SEMA3A: variants seen among roughly 807,000 people sequenced by gnomAD.
SEMA3A encodes the protein semaphorin-3A.
Under a neutral mutation model 97.9 loss-of-function variants are expected in SEMA3A, and 29 were observed. The observed-to-expected ratio is 0.30, with a 90% CI of 0.22 to 0.40. The LOEUF is 0.40. Among genes scored for constraint, SEMA3A ranks in the 10% least tolerant of loss-of-function variants. The pLI is 1.00. For synonymous variants in SEMA3A, 321 were observed against 323.7 expected, an observed-to-expected ratio of 0.99 and a Z score of 0.09; for missense variants, 763 against 951.3, an observed-to-expected ratio of 0.80 and a Z score of 2.60.
intron 1 of SEMA3A, among the ~76,000 whole-genome samples, chr7:84,385,603 C>A (rs1452074309): frequency 6.9e-6 from 1 of 144,492 alleles, no homozygotes; most frequent in Non-Finnish European, 1.5e-5. Flanking sequence ...TTCCATTATT[C>A]ATTCTCTCAA....
intron 3 of SEMA3A, among the ~76,000 whole-genome samples, chr7:84,249,368 C>CATCTATCTATCTATCT (rs60537339): frequency 0.045 from 6,444 of 143,126 alleles, 184 homozygotes; most frequent in East Asian, 0.1. Context: ...CTCTGTCTAT[C>CATCTATCTATCTATCT]ATCTATCTAT....
At chr7:84,097,156 C>T (rs956023826) in intron 4 of SEMA3A, among the ~76,000 whole-genome samples, 12 of 151,826 alleles carry the variant, frequency 7.9e-5, no homozygotes, top group Non-Finnish European at 1.2e-4. Flanking sequence ...TATTAAATGC[C>T]AACAAAAGAT....
intron 1 of SEMA3A, among the ~76,000 whole-genome samples, chr7:84,138,254 C>T (rs1356530540): frequency 6.6e-6 from 1 of 151,474 alleles, no homozygotes; most frequent in African/African-American, 2.4e-5. Context: ...TACTAAGTGT[C>T]CTAACTTGTA....
At chr7:84,435,254 T>TACAC (rs34631045) in intron 1 of SEMA3A, among the ~76,000 whole-genome samples, 2,169 of 148,146 alleles carry the variant, frequency 0.015, 19 homozygotes, top group Non-Finnish European at 0.019. Flanking sequence ...GTACAACAGC[T>TACAC]ACACACACAC....
intron 1 of SEMA3A, among the ~76,000 whole-genome samples, chr7:84,436,235 A>G (rs1347804923): frequency 6.6e-6 from 1 of 152,198 alleles, no homozygotes; most frequent in Non-Finnish European, 1.5e-5. Context: ...ATCCTAGAAG[A>G]AAACCTAGGA....
chr7:84,033,566 C>A (rs1791833697), intron 6 of SEMA3A, among the ~76,000 whole-genome samples: 3 of 152,078 alleles, frequency 2.0e-5, no homozygotes, highest in Admixed American at 1.3e-4. Context: ...CACAAATGAG[C>A]AGTAAATTGA....
chr7:84,108,050 A>G (rs1795161057), intron 4 of SEMA3A, among the ~76,000 whole-genome samples: 1 of 152,214 alleles, frequency 6.6e-6, no homozygotes. Context: ...AAAATATAAA[A>G]ATACAAAATG....
chr7:84,305,112 A>G (rs939660164), intron 3 of SEMA3A, among the ~76,000 whole-genome samples: 2 of 151,946 alleles, frequency 1.3e-5, no homozygotes. Context: ...GCTTAAGCAA[A>G]TAAGTTATTT....
intron 3 of SEMA3A, among the ~76,000 whole-genome samples, chr7:84,300,054 A>G (rs1800971251): frequency 6.7e-6 from 1 of 149,408 alleles, no homozygotes; most frequent in African/African-American, 2.4e-5. Context: ...AAAAAAAAGA[A>G]AGAAAAAGAA....
chr7:84,035,545 A>G (rs1791912004), intron 6 of SEMA3A, among the ~76,000 whole-genome samples: 1 of 152,066 alleles, frequency 6.6e-6, no homozygotes, highest in Non-Finnish European at 1.5e-5. Context: ...ATCAAAGAAA[A>G]AATTAAAATC....
intron 1 of SEMA3A, among the ~76,000 whole-genome samples, chr7:84,420,750 C>T (rs1263549222): frequency 6.6e-6 from 1 of 151,966 alleles, no homozygotes; most frequent in Non-Finnish European, 1.5e-5. Context: ...TTATTCATTT[C>T]TTCTAGATTT....
intron 4 of SEMA3A, among the ~76,000 whole-genome samples, chr7:84,103,515 G>A (rs916685028): frequency 3.3e-5 from 5 of 152,118 alleles, no homozygotes; most frequent in Non-Finnish European, 4.4e-5. Flanking sequence ...ACAAGACTGA[G>A]AGATAACTTA....
At chr7:84,101,945 AAAT>A (rs1562783050) in intron 4 of SEMA3A, among the ~76,000 whole-genome samples, 2 of 151,884 alleles carry the variant, frequency 1.3e-5, no homozygotes, top group African/African-American at 4.8e-5. Flanking sequence ...TTACATATTT[AAAT>A]AATATTTTGG....
intron 5 of SEMA3A, among the ~76,000 whole-genome samples, chr7:84,054,850 C>T (rs903613295): frequency 1.3e-5 from 2 of 149,916 alleles, no homozygotes. Flanking sequence ...TACTTTTGGT[C>T]TTTGATGATG....
chr7:84,016,100 GAGTATGTATTCTTATGATGGGTGGTGAGC>G (rs1264067950), intron 6 of SEMA3A, among the ~76,000 whole-genome samples: 12 of 151,936 alleles, frequency 7.9e-5, no homozygotes, highest in African/African-American at 2.7e-4. Context: ...ATATAGTGAG[GAGTATGTATTCTTATGATGGGTGGTGAGC>G]AGAATAATTA....
chr7:84,331,276 T>C (rs1265992687), intron 2 of SEMA3A, among the ~76,000 whole-genome samples: 1 of 152,118 alleles, frequency 6.6e-6, no homozygotes, highest in Non-Finnish European at 1.5e-5. Context: ...TTTGGCTTTC[T>C]TCCAAAGATT....
At chr7:84,416,511 T>C (rs1804440326) in intron 1 of SEMA3A, among the ~76,000 whole-genome samples, 1 of 152,266 alleles carries the variant, frequency 6.6e-6, no homozygotes, top group Non-Finnish European at 1.5e-5. Context: ...AAACATACAA[T>C]GTCTTTTGGT....
intron 3 of SEMA3A, among the ~76,000 whole-genome samples, chr7:84,235,458 C>A (rs924259365): frequency 6.6e-6 from 1 of 151,838 alleles, no homozygotes; most frequent in Non-Finnish European, 1.5e-5. Context: ...ATTTTGATTA[C>A]TTTTGATATT....
At chr7:84,388,246 G>C (rs2116164925) in intron 1 of SEMA3A, among the ~76,000 whole-genome samples, 1 of 152,016 alleles carries the variant, frequency 6.6e-6, no homozygotes, top group South Asian at 2.1e-4. Context: ...CATTTACCTG[G>C]TTCTTAAGCC....
Sources: allele counts gnomAD v4.1 joint callset (sites outside exome capture counted in the v4.1 genomes callset), GRCh38; gene constraint gnomAD v4.1.1; transcripts MANE v1.5; gene names NCBI Gene and HGNC (gene_info 2026-07-23, HGNC 2026-07-21).